Variants in STYXL2 observed in about 807,000 individuals in gnomAD.
The protein encoded by STYXL2 is serine/threonine/tyrosine interacting like 2.
STYXL2 carries 44 observed loss-of-function variants against 52.4 expected under a neutral mutation model. The ratio of observed to expected loss-of-function variants is 0.84; its 90% CI spans 0.66 to 1.08. The LOEUF is 1.08. Ranked by LOEUF, STYXL2 falls within the 50% of genes least tolerant of loss-of-function variation. The pLI is 0.00. For synonymous variants in STYXL2, 604 were observed against 586.9 expected, an observed-to-expected ratio of 1.03 and a Z score of -0.42; for missense variants, 1,604 against 1,471.7, an observed-to-expected ratio of 1.09 and a Z score of -1.47.
rs142057898 is a variant in STYXL2 at position 167,126,249 on chromosome 1, G to C, written c.1118G>C (p.Arg373Pro). The C allele has an allele frequency of 8.9e-5, 138 of 1,543,794 alleles. No homozygotes were observed. Among genetic ancestry groups the C allele is most frequent in the Non-Finnish European group, 1.1e-4 (126 of 1,148,716 alleles). Residue 373 changes from arginine to proline, a missense_variant, in exon 6 of 6, where the codon CGC becomes CCC. Coordinates refer to ENST00000361200, the MANE Select transcript of STYXL2 (RefSeq NM_001080426.3). ...GTCCCCCAGGATGGAGGTGGCTGGC[G>C]CTCAGCCTCCTCTGGCCAGGGTGGG... The part of the protein sequence containing the change: ...DKVPQDGGGW[R>P]SASSGQGGEE...
intron 2 of STYXL2, among the ~76,000 whole-genome samples, chr1:167,101,513 G>A (rs1667402144): frequency 6.6e-6 from 1 of 152,066 alleles, no homozygotes; most frequent in African/African-American, 2.4e-5. Context: ...AGAAATGAAG[G>A]CCTATGTCTG....
At position 167,113,789 on chromosome 1, in the gene STYXL2, C is replaced by A. The variant is rs1431443695; in HGVS notation, c.190C>A (p.Gln64Lys). 1 of 1,613,520 alleles carries A rather than the reference C, an allele frequency of 6.2e-7. No individual in the cohort carries two copies. The highest frequency in any genetic ancestry group is 1.3e-5 in the African/African-American group (1 of 74,882). The change falls in exon 3 of 6, where the codon CAG (glutamine) becomes AAG (lysine). Residue 64 changes from glutamine to lysine, a missense_variant. Transcript: ENST00000361200. ...IHLSSAIAAKQIINEELKPPG... is the reference protein window; with the variant it reads ...IHLSSAIAAKKIINEELKPPG... The stretch of plus-strand genomic sequence containing the variant: ...CCTCTCCTCAGCCATTGCAGCCAAA[C>A]AGATCATCAATGAAGGTAATGCAAT...
At chr1:167,116,494 A>G (rs1426387817) in intron 3 of STYXL2, among the ~76,000 whole-genome samples, 1 of 152,192 alleles carries the variant, frequency 6.6e-6, no homozygotes, top group Admixed American at 6.5e-5. Flanking sequence ...TTAGGTGTAT[A>G]TTAGAAGGCA....
intron 3 of STYXL2, among the ~76,000 whole-genome samples, chr1:167,114,991 C>G (rs1384978888): frequency 1.3e-5 from 2 of 152,118 alleles, no homozygotes; most frequent in African/African-American, 4.8e-5. Flanking sequence ...ATTCTGTGGA[C>G]CATTCTCCAT....
chr1:167,117,291 C>T (rs755103142), intron 3 of STYXL2, 37 bp from the exon 4 acceptor site: 19 of 1,545,776 alleles, frequency 1.2e-5, no homozygotes, highest in Middle Eastern at 3.9e-4. Flanking sequence ...CATGATGTTC[C>T]TAACTCTCTG....
At chr1:167,103,738 C>A (rs1422137467) in intron 2 of STYXL2, among the ~76,000 whole-genome samples, 1 of 152,116 alleles carries the variant, frequency 6.6e-6, no homozygotes, top group Non-Finnish European at 1.5e-5. Flanking sequence ...ATTTAAAACC[C>A]CCTGTCAGTG....
intron 3 of STYXL2, 35 bp from the exon 4 acceptor site, chr1:167,117,293 A>T (rs767587590): frequency 6.5e-7 from 1 of 1,547,162 alleles, no homozygotes; most frequent in South Asian, 1.2e-5. Flanking sequence ...TGATGTTCCT[A>T]ACTCTCTGAT....
intron 2 of STYXL2, among the ~76,000 whole-genome samples, chr1:167,103,833 A>G (rs1240850347): frequency 2.0e-5 from 3 of 152,178 alleles, no homozygotes; most frequent in Non-Finnish European, 4.4e-5. Flanking sequence ...CTAAGAAGTA[A>G]GTGCACAGCC....
rs1571351681 is a variant in STYXL2, at chr1:167,128,376, T to C, written c.3245T>C (p.Phe1082Ser). 8.1e-6 allele frequency: 13 copies of C among 1,614,038 alleles called. No homozygotes were observed. Among genetic ancestry groups the C allele is most frequent in the Non-Finnish European group, 1.1e-5 (13 of 1,179,986 alleles). ...TCATCCAAGTCAGACTTCTCTGAAT[T>C]TGGAGCCAAGAGGAAGTTCACCCAG... Reference protein sequence around the residue: ...EESSKSDFSEFGAKRKFTQSF... With the variant: ...EESSKSDFSESGAKRKFTQSF... Residue 1082 changes from phenylalanine to serine, a missense_variant, in exon 6 of 6, where the codon TTT becomes TCT. Transcript: ENST00000361200.
At chr1:167,117,645 A>G in intron 4 of STYXL2, 86 bp downstream of exon 4, 1 of 1,232,782 alleles carries the variant, frequency 8.1e-7, no homozygotes, top group Non-Finnish European at 1.1e-6. Context: ...CTTTCACCAA[A>G]GGCGCCCATA....
intron 2 of STYXL2, 145 bp downstream of exon 2, chr1:167,095,104 T>C (rs1235005078): frequency 1.6e-6 from 1 of 630,638 alleles, no homozygotes; most frequent in East Asian, 2.8e-5. Flanking sequence ...TGTGTCCTAC[T>C]TTCTGGAGGA....
intron 2 of STYXL2, among the ~76,000 whole-genome samples, chr1:167,103,348 C>G (rs1438380366): frequency 6.6e-6 from 1 of 152,122 alleles, no homozygotes; most frequent in Non-Finnish European, 1.5e-5. Context: ...TATCCAGCCC[C>G]TAGGAAACAG....
rs140729613 is a variant in STYXL2, at chr1:167,127,378, G to A, written c.2247G>A (p.Pro749=). Residue 749 remains proline (P), a synonymous_variant, in exon 6 of 6, where the codon CCG becomes CCA. Transcript: ENST00000361200. ...QNEMLLLSRS[P]SVASMKAVPA... ...AAATGCTGCTGTTGTCCCGCTCACC[G>A]TCTGTTGCAAGCATGAAGGCAGTAC... The A allele has an allele frequency of 6.3e-4, 1,017 of 1,614,174 alleles. 11 individuals carry two copies. The Middle Eastern group carries it at 8.9e-3, about 14-fold the overall frequency.
chr1:167,102,430 C>T (rs1199901480), intron 2 of STYXL2, among the ~76,000 whole-genome samples: 2 of 151,916 alleles, frequency 1.3e-5, no homozygotes, highest in East Asian at 1.9e-4. Context: ...CTTATAAACC[C>T]TTGAAAGCTT....
chr1:167,117,484 C>A lies in STYXL2; in HGVS notation c.362C>A (p.Ala121Asp), dbSNP rs148991366. Residue 121 changes from alanine (A) to aspartate (D), a missense_variant, in exon 4 of 6, where the codon GCC (alanine) becomes GAC (aspartate). Ala to Asp is a moderately radical substitution (Grantham distance 126). Coordinates refer to ENST00000361200, the MANE Select transcript of STYXL2 (RefSeq NM_001080426.3). ...NTPCVLDLQRALVQDRQEAPW... is the reference protein window; with the variant it reads ...NTPCVLDLQRDLVQDRQEAPW... The stretch of plus-strand genomic sequence containing the variant: ...CCCTGTGTCCTGGACCTACAGCGGG[C>A]CCTGGTTCAGGATCGCCAAGAGGCG... 88 of 1,612,114 alleles carry A rather than the reference C, an allele frequency of 5.5e-5. No homozygotes were observed. In the African/African-American group the frequency reaches 9.1e-4, roughly 17 times the overall value.
chr1:167,113,407 A>G (rs1443623244), intron 2 of STYXL2, among the ~76,000 whole-genome samples: 4 of 152,244 alleles, frequency 2.6e-5, no homozygotes, highest in Admixed American at 6.5e-5. Context: ...CAAGAAAGTG[A>G]AGCCACATCA....
In STYXL2 at chr1:167,125,897, C is replaced by T. The variant is rs141233283; in HGVS notation, c.766C>T (p.Arg256Cys). 88 of 1,614,050 alleles carry T rather than the reference C, an allele frequency of 5.5e-5. No individual in the cohort carries two copies. In the East Asian group the frequency reaches 1.6e-3, roughly 29 times the overall value. ...CATCCTGGAGGCTTTGATGACCGTG[C>T]GTAAGAAGCGGGCCATCTACCCCAA... ...MAILEALMTV[R>C]KKRAIYPNEG... Residue 256 changes from arginine (R) to cysteine (C), a missense_variant, in exon 6 of 6, where the codon CGT becomes TGT. Arg to Cys is a radical substitution (Grantham distance 180). Coordinates refer to ENST00000361200, the MANE Select transcript of STYXL2 (RefSeq NM_001080426.3).
intron 3 of STYXL2, among the ~76,000 whole-genome samples, chr1:167,114,119 C>T (rs73031155): frequency 0.014 from 2,097 of 152,126 alleles, 42 homozygotes; most frequent in African/African-American, 0.048. Flanking sequence ...CCTGAGAGCC[C>T]GAGAAATGGC....
At chr1:167,113,303 A>G (rs1007870607) in intron 2 of STYXL2, among the ~76,000 whole-genome samples, 3 of 152,188 alleles carry the variant, frequency 2.0e-5, no homozygotes, top group Non-Finnish European at 4.4e-5. Flanking sequence ...CCAGCAGTCC[A>G]GCAGAAGACT....
Sources: gnomAD v4.1 joint callset for allele counts (sites outside exome capture counted in the v4.1 genomes callset) on GRCh38, gnomAD v4.1.1 for gene constraint, MANE v1.5 for transcripts, NCBI Gene and HGNC (gene_info 2026-07-23, HGNC 2026-07-21) for gene names.